The following SPEF2 variants were observed in gnomAD, a reference collection of about 807,000 sequenced individuals.
The protein encoded by SPEF2 is sperm flagellar and cilia associated 2.
A neutral mutation model predicts 224.6 loss-of-function variants in SPEF2; 187 were observed. The observed-to-expected ratio is 0.83, with a 90% CI of 0.74 to 0.94. The LOEUF (loss-of-function observed/expected upper bound fraction) is 0.94, where lower values mean the gene tolerates loss of function less well. SPEF2 is among the 40% of genes least tolerant of loss of function. SPEF2 has a pLI of 0.00. For missense variants in SPEF2, 2,170 were observed against 2,135.6 expected, an observed-to-expected ratio of 1.02 and a Z score of -0.32; for synonymous variants, 715 against 707.3, an observed-to-expected ratio of 1.01 and a Z score of -0.17.
chr5:35,786,668 A>C (rs983965663), intron 30 of SPEF2, among the ~76,000 whole-genome samples: 1 of 152,184 alleles, frequency 6.6e-6, no homozygotes, highest in Non-Finnish European at 1.5e-5. Context: ...CTCAAAAAAA[A>C]ACAAAAAAAG....
chr5:35,688,291 G>A, intron 10 of SPEF2, among the ~76,000 whole-genome samples: 1 of 152,116 alleles, frequency 6.6e-6, no homozygotes, highest in Non-Finnish European at 1.5e-5. Flanking sequence ...CCCAAATAAT[G>A]TGACTAATAG....
rs1014888067 is a variant in SPEF2 at position 35,708,805 on chromosome 5, T to C, written c.2666-143T>C. ...TGAAATCTTAGCTTTAAGGACTAGA[T>C]GATTTAAGGGAAAGCCCTAAAGCAT... On this transcript the variant is annotated intron_variant, in intron 18 of 36. Transcript: ENST00000356031. 8.9e-6 allele frequency: 6 copies of C among 677,346 alleles called. No individual in the cohort carries two copies. The East Asian group carries it at 1.8e-4, about 20-fold the overall frequency. 42.0% of individuals were successfully genotyped at this position (677,346 alleles called of 1,614,324 possible).
At chr5:35,783,516 T>A (rs1044886466) in intron 30 of SPEF2, among the ~76,000 whole-genome samples, 1 of 152,206 alleles carries the variant, frequency 6.6e-6, no homozygotes, top group Non-Finnish European at 1.5e-5. Context: ...GACTTGATTA[T>A]ATAATTATAG....
chr5:35,761,661 G>A (rs28562870), intron 25 of SPEF2, among the ~76,000 whole-genome samples: 2,963 of 152,066 alleles, frequency 0.019, 120 homozygotes, highest in African/African-American at 0.069. Context: ...GCAAGCTGCT[G>A]AAAGAGATCT....
intron 7 of SPEF2, among the ~76,000 whole-genome samples, chr5:35,657,380 G>A (rs577563426): frequency 2.6e-5 from 4 of 152,206 alleles, no homozygotes; most frequent in Admixed American, 1.3e-4. Flanking sequence ...AAATCAATTT[G>A]ACTTTTTAGG....
intron 2 of SPEF2, among the ~76,000 whole-genome samples, chr5:35,633,645 A>G (rs1031776468): frequency 6.6e-6 from 1 of 151,910 alleles, no homozygotes; most frequent in East Asian, 1.9e-4. Flanking sequence ...GGAGGATTTA[A>G]GTGTGTGATT....
chr5:35,733,930 A>G (rs905753752), intron 21 of SPEF2, among the ~76,000 whole-genome samples: 4 of 152,180 alleles, frequency 2.6e-5, no homozygotes, highest in Non-Finnish European at 1.5e-5. Flanking sequence ...ATAGAAACAT[A>G]TCTTTTAAGT....
chr5:35,670,798 G>GT, intron 10 of SPEF2: 1 of 980,932 alleles, frequency 1.0e-6, no homozygotes, highest in Non-Finnish European at 1.2e-6. Flanking sequence ...ACTACTAACT[G>GT]TGTGACCTTA....
intron 34 of SPEF2, 116 bp downstream of exon 34, chr5:35,800,263 A>G: frequency 2.6e-6 from 3 of 1,156,522 alleles, no homozygotes; most frequent in African/African-American, 3.1e-5. Flanking sequence ...GGTGTGTAAT[A>G]TGATGCTTTA....
At chr5:35,783,367 A>C (rs2149808995) in intron 30 of SPEF2, among the ~76,000 whole-genome samples, 1 of 152,318 alleles carries the variant, frequency 6.6e-6, no homozygotes, top group Non-Finnish European at 1.5e-5. Context: ...CATCTGTAAA[A>C]TGAGAATAAT....
chr5:35,703,059 GA>G (rs1162575903), intron 16 of SPEF2, among the ~76,000 whole-genome samples: 3 of 147,126 alleles, frequency 2.0e-5, no homozygotes, highest in South Asian at 2.2e-4. Context: ...ATCTCTGAAA[GA>G]AAAAAAAAGA....
chr5:35,793,322 C>G lies in SPEF2; in HGVS notation c.4718C>G (p.Thr1573Ser), dbSNP rs1162417759. 6.2e-7 allele frequency: 1 copy of G among 1,613,638 alleles called. No homozygotes were observed. Among genetic ancestry groups the G allele is most frequent in the African/African-American group, 1.3e-5 (1 of 74,890 alleles). The change falls in exon 32 of 37, where the codon ACT becomes AGT. Residue 1573 changes from threonine (T) to serine (S), a missense_variant. Coordinates refer to ENST00000356031, the MANE Select transcript of SPEF2 (RefSeq NM_024867.4). ...GATAAGGAGCAGTTGGGCACCATCA[C>G]TTTTGAGCAGTATATGCAGGTTGTT... The part of the protein sequence containing the change: ...AVDKEQLGTI[T>S]FEQYMQAGLW...
intron 8 of SPEF2, among the ~76,000 whole-genome samples, chr5:35,663,246 C>T (rs1487953938): frequency 6.6e-6 from 1 of 152,118 alleles, no homozygotes; most frequent in Non-Finnish European, 1.5e-5. Context: ...ATTTCATCCA[C>T]AACCATGGTG....
intron 21 of SPEF2, among the ~76,000 whole-genome samples, chr5:35,734,712 T>C (rs1386743176): frequency 7.4e-6 from 1 of 135,596 alleles, no homozygotes; most frequent in African/African-American, 3.1e-5. Context: ...TTTTTTTCTT[T>C]TTTTTTTTTT....
intron 23 of SPEF2, among the ~76,000 whole-genome samples, chr5:35,744,282 C>G (rs997941775): frequency 3.9e-5 from 6 of 152,146 alleles, no homozygotes; most frequent in African/African-American, 1.4e-4. Flanking sequence ...AGTTATGAAT[C>G]TCTCTTAAAT....
chr5:35,788,614 G>A (rs1755514753), intron 30 of SPEF2: 1 of 702,852 alleles, frequency 1.4e-6, no homozygotes, highest in South Asian at 1.5e-5. Context: ...AAACTCTAGA[G>A]ATAAATCTTC....
chr5:35,650,904 A>AT (rs200528325), intron 6 of SPEF2, among the ~76,000 whole-genome samples: 2,074 of 152,316 alleles, frequency 0.014, 30 homozygotes, highest in South Asian at 0.054. Context: ...AGAAATCAGA[A>AT]GGTAAGCAGC....
At chr5:35,748,765 T>G (rs1748952503) in intron 23 of SPEF2, among the ~76,000 whole-genome samples, 1 of 152,062 alleles carries the variant, frequency 6.6e-6, no homozygotes, top group African/African-American at 2.4e-5. Flanking sequence ...TTGATACCAA[T>G]CCTTTTGATA....
chr5:35,762,717 G>T (rs1222133995), intron 25 of SPEF2, among the ~76,000 whole-genome samples: 3 of 152,130 alleles, frequency 2.0e-5, no homozygotes, highest in African/African-American at 7.2e-5. Context: ...TATTACTAAA[G>T]GGGGATTCCA....
Sources: allele counts gnomAD v4.1 joint callset (sites outside exome capture counted in the v4.1 genomes callset), GRCh38; gene constraint gnomAD v4.1.1; transcripts MANE v1.5; gene names NCBI Gene and HGNC (gene_info 2026-07-23, HGNC 2026-07-21).